Variants in NOL4L observed in about 807,000 individuals in gnomAD.
NOL4L encodes nucleolar protein 4-like.
A neutral mutation model predicts 64.5 loss-of-function variants in NOL4L; 7 were observed. The observed-to-expected ratio is 0.11, with a 90% CI of 0.06 to 0.20. The LOEUF (loss-of-function observed/expected upper bound fraction) is 0.20, where lower values mean the gene tolerates loss of function less well. Ranked by LOEUF, NOL4L falls within the 10% of genes least tolerant of loss-of-function variation. NOL4L has a pLI of 1.00. For synonymous variants in NOL4L, 413 were observed against 401.0 expected, an observed-to-expected ratio of 1.03 and a Z score of -0.36; for missense variants, 680 against 967.1, an observed-to-expected ratio of 0.70 and a Z score of 3.94.
chr20:32,509,790 G>A, intron 4 of NOL4L: 1 of 1,302,454 alleles, frequency 7.7e-7, no homozygotes, highest in Non-Finnish European at 1.0e-6. Flanking sequence ...TTCTAGTGGT[G>A]ACCTGGATTT....
chr20:32,499,152 C>T (rs1448163351), intron 4 of NOL4L, among the ~76,000 whole-genome samples: 2 of 152,120 alleles, frequency 1.3e-5, no homozygotes, highest in African/African-American at 4.8e-5. Flanking sequence ...GCTGGGATTA[C>T]AGGCGTGAGC....
At chr20:32,488,827 TTTTCTTTCTTTCTTTCTTTCTTTCTTTC>T (rs1175303976) in intron 4 of NOL4L, among the ~76,000 whole-genome samples, 2 of 33,152 alleles carry the variant, frequency 6.0e-5, no homozygotes, top group African/African-American at 1.9e-4. Flanking sequence ...CTTTCTTTCT[TTTTCTTTCTTTCTTTCTTTCTTTCTTTC>T]TTTCTTTCTT....
intron 1 of NOL4L, among the ~76,000 whole-genome samples, chr20:32,558,461 A>T (rs959439256): frequency 6.6e-6 from 1 of 152,188 alleles, no homozygotes; most frequent in African/African-American, 2.4e-5. Context: ...GGGCCCCAGC[A>T]CCCTGAATGA....
Position 32,447,231 on chromosome 20 carries a change from C to A in NOL4L, c.*365G>T. 2.0e-6 allele frequency: 1 copy of A among 499,460 alleles called. No individual in the cohort carries two copies. The highest frequency in any genetic ancestry group is 1.5e-5 in the South Asian group (1 of 64,944). 30.9% of individuals were successfully genotyped at this position (499,460 alleles called of 1,614,324 possible). On this transcript the variant is annotated 3_prime_UTR_variant, in exon 11 of 11. Coordinates refer to ENST00000621426, the MANE Select transcript of NOL4L (RefSeq NM_001256798.2). Reference sequence around the variant, plus strand: ...CTCAATAAATATGCAATTCTGCTCACCTAAGACTTGAAAGGTAATTATCTG... The same window carrying A: ...CTCAATAAATATGCAATTCTGCTCAACTAAGACTTGAAAGGTAATTATCTG...
chr20:32,451,319 C>T (rs931197943), intron 10 of NOL4L, among the ~76,000 whole-genome samples: 1 of 152,230 alleles, frequency 6.6e-6, no homozygotes, highest in African/African-American at 2.4e-5. Flanking sequence ...ACACAATTCA[C>T]GGCCCTTCTG....
In NOL4L at chr20:32,464,351, CCATCCGGGTGATGGGG is replaced by C. The variant is rs985775626; in HGVS notation, c.842-7972_842-7957del. Among the ~76,000 whole-genome samples, 6 of 152,228 alleles carry C rather than the reference CCATCCGGGTGATGGGG, an allele frequency of 3.9e-5. No individual in the cohort carries two copies. Among genetic ancestry groups the C allele is most frequent in the African/African-American group, 1.4e-4 (6 of 41,460 alleles). On this transcript the variant is annotated intron_variant, in intron 5 of 10. Transcript: ENST00000621426. This position sits in a 1 kb window ranked among gnomAD's most constrained non-coding sequence, Gnocchi z 5.6. The stretch of plus-strand genomic sequence containing the variant: ...TCAAATGGGGGACACTAGGACCCTA[CCATCCGGGTGATGGGG>C]CCACACGGGGCACCTGCATTCTCCA...
chr20:32,563,558 T>G (rs1240334749), intron 1 of NOL4L, among the ~76,000 whole-genome samples: 1 of 152,038 alleles, frequency 6.6e-6, no homozygotes, highest in Non-Finnish European at 1.5e-5. Context: ...ATCACAGGGC[T>G]TGCATATTCC....
intron 5 of NOL4L, among the ~76,000 whole-genome samples, chr20:32,473,291 G>A (rs1018531996): frequency 8.5e-5 from 13 of 152,170 alleles, no homozygotes; most frequent in South Asian, 2.1e-4. Context: ...GGCCTCAATC[G>A]GCTCAGTTGA....
intron 1 of NOL4L, among the ~76,000 whole-genome samples, chr20:32,565,500 C>T (rs947938550): frequency 6.6e-5 from 10 of 152,158 alleles, no homozygotes; most frequent in African/African-American, 1.7e-4. Context: ...GGGCACTGGA[C>T]GATCTCTCCT....
chr20:32,504,218 G>A (rs1307707833), intron 4 of NOL4L, among the ~76,000 whole-genome samples: 1 of 152,078 alleles, frequency 6.6e-6, no homozygotes, highest in Non-Finnish European at 1.5e-5. Context: ...TGGTTTAGAA[G>A]TTCTACATTC....
chr20:32,445,413 G>GTAAC lies in NOL4L; in HGVS notation c.*2179_*2182dup. ...TCTGGGAGGAGAAGTGACACGTTAAGTAACTGATACCAGGAATTCTAGGGT... is the reference window on the plus strand; with the variant it reads ...TCTGGGAGGAGAAGTGACACGTTAAGTAACTAACTGATACCAGGAATTCTAGGGT... On this transcript the variant is annotated 3_prime_UTR_variant, in exon 11 of 11. Transcript: ENST00000621426. 1.3e-5 allele frequency: 2 copies of GTAAC among 152,338 alleles called. No homozygotes were observed. The highest frequency in any genetic ancestry group is 1.9e-4 in the East Asian group (1 of 5,194). The allele number at this position is 152,338 out of a possible 1,614,324, so 9.4% of individuals were successfully genotyped here.
intron 5 of NOL4L, among the ~76,000 whole-genome samples, chr20:32,459,788 C>A (rs1358260664): frequency 1.3e-5 from 2 of 152,216 alleles, no homozygotes; most frequent in Non-Finnish European, 2.9e-5. Flanking sequence ...CCCACTTTGG[C>A]CTCTCAAAGT....
At chr20:32,573,549 A>G (rs1489199527) in intron 1 of NOL4L, 1 of 154,470 alleles carries the variant, frequency 6.5e-6, no homozygotes, top group Non-Finnish European at 1.4e-5. Flanking sequence ...TTGACTGTCC[A>G]CACCTTGGTA....
At chr20:32,473,647 A>G (rs2015183314) in intron 5 of NOL4L, among the ~76,000 whole-genome samples, 1 of 152,034 alleles carries the variant, frequency 6.6e-6, no homozygotes, top group African/African-American at 2.4e-5. Context: ...CTTTGACCCA[A>G]ACAGCAAGGC....
chr20:32,529,008 G>A (rs1214025460), intron 1 of NOL4L, among the ~76,000 whole-genome samples: 8 of 152,228 alleles, frequency 5.3e-5, no homozygotes, highest in Non-Finnish European at 7.3e-5. Flanking sequence ...TGTGGGCTTC[G>A]CCTGCTCCTT....
chr20:32,554,849 C>G (rs1391973618), intron 1 of NOL4L, among the ~76,000 whole-genome samples: 1 of 152,174 alleles, frequency 6.6e-6, no homozygotes, highest in African/African-American at 2.4e-5. Flanking sequence ...TCTTGAGCAC[C>G]TACTAGGAGC....
At chr20:32,568,457 C>A (rs1216431813) in intron 1 of NOL4L, among the ~76,000 whole-genome samples, 5 of 152,002 alleles carry the variant, frequency 3.3e-5, no homozygotes, top group African/African-American at 4.8e-5. Context: ...CCCCCTAGAG[C>A]CTACAGCCTC....
At chr20:32,448,555 T>C (rs2012546207) in intron 10 of NOL4L, among the ~76,000 whole-genome samples, 1 of 152,124 alleles carries the variant, frequency 6.6e-6, no homozygotes, top group Non-Finnish European at 1.5e-5. Flanking sequence ...CTGCTAAGCC[T>C]CAAGCACCTC....
chr20:32,484,239 C>T (rs1014022728), intron 4 of NOL4L, among the ~76,000 whole-genome samples: 1 of 152,060 alleles, frequency 6.6e-6, no homozygotes, highest in African/African-American at 2.4e-5. Flanking sequence ...CCTCGGGGTT[C>T]GGCTCCCCCG....
Sources: allele counts gnomAD v4.1 joint callset (sites outside exome capture counted in the v4.1 genomes callset), GRCh38; gene constraint gnomAD v4.1.1; non-coding constraint Gnocchi (gnomAD v3.1); transcripts MANE v1.5; gene names NCBI Gene and HGNC (gene_info 2026-07-23, HGNC 2026-07-21).